Variants in PPM1B observed in about 807,000 individuals in gnomAD.
PPM1B encodes protein phosphatase 1B.
Under a neutral mutation model 43.0 loss-of-function variants are expected in PPM1B, and 22 were observed. That is an observed-to-expected ratio of 0.51 (90% CI 0.37 to 0.73). The LOEUF (loss-of-function observed/expected upper bound fraction) is 0.73. Ranked by LOEUF, PPM1B falls within the 30% of genes least tolerant of loss-of-function variation. PPM1B has a pLI of 0.00. For missense variants in PPM1B, 632 were observed against 584.2 expected (o/e 1.08, Z -0.84); for synonymous variants, 217 against 197.9 (o/e 1.10, Z -0.81).
chr2:44,237,743 A>G (rs79463988), downstream of PPM1B, among the ~76,000 whole-genome samples: 4,986 of 152,262 alleles, frequency 0.033, 121 homozygotes, highest in Middle Eastern at 0.054. Flanking sequence ...TAATGCATTT[A>G]AGATGAAGAG....
intron 1 of PPM1B, among the ~76,000 whole-genome samples, chr2:44,185,485 T>A (rs759502668): frequency 2.6e-5 from 4 of 152,218 alleles, no homozygotes; most frequent in Non-Finnish European, 4.4e-5. Flanking sequence ...TCAACAAAGC[T>A]ATTTCCATTT....
intron 5 of PPM1B, 96 bp from the exon 6 acceptor site, chr2:44,230,317 C>T (rs189443348): frequency 1.3e-5 from 20 of 1,528,154 alleles, no homozygotes; most frequent in South Asian, 6.7e-5. Context: ...TATTACTTTT[C>T]GGTAGAGAAA....
chr2:44,233,903 A>G, downstream of PPM1B: 2 of 985,440 alleles, frequency 2.0e-6, no homozygotes, highest in Non-Finnish European at 2.4e-6. Context: ...GGGTTGTTAA[A>G]AGATAGGGAA....
intron 5 of PPM1B, chr2:44,244,207 A>G (rs1173420289): frequency 8.4e-7 from 1 of 1,194,156 alleles, no homozygotes; most frequent in Non-Finnish European, 1.1e-6. Flanking sequence ...TATATATTTC[A>G]ATTTCTATCA....
At chr2:44,243,584 C>G (rs1009275734) in intron 5 of PPM1B, among the ~76,000 whole-genome samples, 9 of 152,000 alleles carry the variant, frequency 5.9e-5, no homozygotes, top group Non-Finnish European at 1.0e-4. Context: ...ATAGATTTTT[C>G]CATTATCCCT....
chr2:44,211,857 C>A (rs1189767761), intron 3 of PPM1B, among the ~76,000 whole-genome samples: 1 of 147,760 alleles, frequency 6.8e-6, no homozygotes, highest in East Asian at 2.1e-4. Context: ...TCAAGTGATT[C>A]TCCTGCCTCA....
rs1394341110 is a variant in PPM1B, at chr2:44,229,973, T to C, written c.1135-440T>C. Reference sequence around the variant, plus strand: ...TTTAAATCTATATAGTTTTATGTTTTGTATTTCCTACTTATTTAGCAGAAA... The same window carrying C: ...TTTAAATCTATATAGTTTTATGTTTCGTATTTCCTACTTATTTAGCAGAAA... On this transcript the variant is annotated intron_variant, in intron 5 of 5. Transcript: ENST00000282412. 3 of 1,555,274 alleles carry C rather than the reference T, an allele frequency of 1.9e-6. No individual in the cohort carries two copies. In the East Asian group the frequency reaches 6.8e-5, roughly 35 times the overall value.
intron 1 of PPM1B, among the ~76,000 whole-genome samples, chr2:44,189,710 C>G (rs943975709): frequency 1.3e-5 from 2 of 152,214 alleles, no homozygotes; most frequent in Non-Finnish European, 2.9e-5. Context: ...GTTTATCCAC[C>G]TGCCTTGGCC....
At chr2:44,192,189 TG>T (rs1205608743) in intron 1 of PPM1B, among the ~76,000 whole-genome samples, 6 of 144,988 alleles carry the variant, frequency 4.1e-5, no homozygotes, top group East Asian at 4.0e-4. Context: ...TGTTATGTTA[TG>T]GTATTGTATT....
At chr2:44,234,875 A>C (rs1017014970), downstream of PPM1B, among the ~76,000 whole-genome samples, 5 of 152,246 alleles carry the variant, frequency 3.3e-5, no homozygotes, top group African/African-American at 1.2e-4. Flanking sequence ...TAGGATACAA[A>C]AATTCAGTGT....
chr2:44,223,816 A>T (rs1670085656), intron 5 of PPM1B, among the ~76,000 whole-genome samples: 2 of 13,836 alleles, frequency 1.4e-4, no homozygotes, highest in Non-Finnish European at 3.4e-4. Context: ...ACTCTGTCTA[A>T]AAAAAAAAAA....
At chr2:44,241,359 C>T (rs1670740827) in intron 5 of PPM1B, among the ~76,000 whole-genome samples, 1 of 144,832 alleles carries the variant, frequency 6.9e-6, no homozygotes, top group African/African-American at 2.5e-5. Flanking sequence ...ATAGTTGCAC[C>T]AGCTTGGTCA....
intron 5 of PPM1B, among the ~76,000 whole-genome samples, chr2:44,243,430 C>T (rs1670793332): frequency 6.6e-6 from 1 of 152,160 alleles, no homozygotes; most frequent in Non-Finnish European, 1.5e-5. Flanking sequence ...ACAGTTTCAT[C>T]AACCTTCAGT....
downstream of PPM1B, among the ~76,000 whole-genome samples, chr2:44,239,341 T>C (rs367901845): frequency 1.3e-5 from 2 of 152,164 alleles, no homozygotes; most frequent in African/African-American, 4.8e-5. Flanking sequence ...CATTTTTCCA[T>C]TGGGTTTGTC....
At chr2:44,228,283 A>C (rs1265084434) in intron 5 of PPM1B, among the ~76,000 whole-genome samples, 1 of 138,298 alleles carries the variant, frequency 7.2e-6, no homozygotes, top group Non-Finnish European at 1.6e-5. Context: ...AACCTCCTCG[A>C]CTTAGCTCAA....
At chr2:44,174,822 G>A (rs1383867601) in intron 1 of PPM1B, among the ~76,000 whole-genome samples, 1 of 152,236 alleles carries the variant, frequency 6.6e-6, no homozygotes, top group Non-Finnish European at 1.5e-5. Flanking sequence ...ATGAGTAGGA[G>A]AATCTAGAAG....
chr2:44,221,584 GT>G (rs956629092), intron 5 of PPM1B, among the ~76,000 whole-genome samples: 1 of 152,016 alleles, frequency 6.6e-6, no homozygotes, highest in Admixed American at 6.6e-5. Flanking sequence ...TAAAAATTAA[GT>G]TTTTTTAAAT....
chr2:44,186,985 G>A (rs779269809), intron 1 of PPM1B, among the ~76,000 whole-genome samples: 1 of 152,218 alleles, frequency 6.6e-6, no homozygotes, highest in Non-Finnish European at 1.5e-5. Flanking sequence ...AGCATACACT[G>A]CAGTAGTGTT....
intron 1 of PPM1B, among the ~76,000 whole-genome samples, chr2:44,194,089 A>G (rs1215107134): frequency 6.6e-6 from 1 of 150,796 alleles, no homozygotes; most frequent in Non-Finnish European, 1.5e-5. Context: ...ATACTTTTTT[A>G]TTTCTCTTAA....
Sources: gnomAD v4.1 joint callset for allele counts (sites outside exome capture counted in the v4.1 genomes callset) on GRCh38, gnomAD v4.1.1 for gene constraint, MANE v1.5 for transcripts, NCBI Gene and HGNC (gene_info 2026-07-23, HGNC 2026-07-21) for gene names.